Variants in FRS2 observed in about 807,000 individuals in gnomAD.
FRS2 encodes the protein fibroblast growth factor receptor substrate 2.
FRS2 carries 8 observed loss-of-function variants against 43.9 expected under a neutral mutation model. The observed-to-expected ratio is 0.18, with a 90% CI of 0.11 to 0.33. The LOEUF (loss-of-function observed/expected upper bound fraction) is 0.33, where lower values mean the gene tolerates loss of function less well. FRS2 is among the 10% of genes least tolerant of loss of function. The pLI is 1.00. For synonymous variants in FRS2, 219 were observed against 220.3 expected (o/e 0.99, Z 0.05); for missense variants, 534 against 627.6 (o/e 0.85, Z 1.59).
chr12:69,552,484 A>C (rs1188989873), intron 3 of FRS2, among the ~76,000 whole-genome samples: 1 of 152,136 alleles, frequency 6.6e-6, no homozygotes, highest in East Asian at 1.9e-4. Flanking sequence ...TAAGAAACAA[A>C]GGCTTCTGAT....
At chr12:69,562,809 C>T (rs1378968273) in intron 4 of FRS2, among the ~76,000 whole-genome samples, 1 of 152,094 alleles carries the variant, frequency 6.6e-6, no homozygotes, top group Non-Finnish European at 1.5e-5. Context: ...CCCACCTCAA[C>T]CTCCCAAGTA....
intron 1 of FRS2, among the ~76,000 whole-genome samples, chr12:69,474,707 A>G (rs567590553): frequency 6.6e-6 from 1 of 152,218 alleles, no homozygotes; most frequent in Non-Finnish European, 1.5e-5. Flanking sequence ...TTGGTTACTT[A>G]AAAGCTATGT....
chr12:69,485,340 G>A (rs1375883238), intron 1 of FRS2, among the ~76,000 whole-genome samples: 2 of 151,814 alleles, frequency 1.3e-5, no homozygotes, highest in South Asian at 2.1e-4. Context: ...CCGACACCAC[G>A]CCTGGCTAAT....
At chr12:69,492,397 T>G (rs1872560634) in intron 1 of FRS2, among the ~76,000 whole-genome samples, 1 of 152,126 alleles carries the variant, frequency 6.6e-6, no homozygotes, top group Non-Finnish European at 1.5e-5. Context: ...TTCAGGTAAG[T>G]TGAGATGAAC....
intron 3 of FRS2, among the ~76,000 whole-genome samples, chr12:69,542,663 C>T (rs1370507740): frequency 4.6e-5 from 7 of 152,118 alleles, no homozygotes; most frequent in East Asian, 1.9e-4. Context: ...TTTCTATTTT[C>T]GCTGAAATAA....
In FRS2 at chr12:69,473,280, A is replaced by G. The variant is rs185355259; in HGVS notation, c.-261+2750A>G. ...ATGTAACAGCCCCAATTTGAATCCA[A>G]ATCTGTCTGGTGCCAAAGCCTGTGT... On this transcript the variant is annotated intron_variant, in intron 1 of 8. Transcript: ENST00000549921. Among the ~76,000 whole-genome samples the G allele has an allele frequency of 7.2e-5, 11 of 152,336 alleles. No individual in the cohort carries two copies. In the South Asian group the frequency reaches 1.0e-3, roughly 14 times the overall value.
At chr12:69,475,471 A>G (rs1233741170) in intron 1 of FRS2, among the ~76,000 whole-genome samples, 1 of 152,162 alleles carries the variant, frequency 6.6e-6, no homozygotes, top group Non-Finnish European at 1.5e-5. Flanking sequence ...AATGATGGCC[A>G]GGGAGTACAC....
chr12:69,474,323 C>G (rs935664576), intron 1 of FRS2, among the ~76,000 whole-genome samples: 2 of 151,828 alleles, frequency 1.3e-5, no homozygotes, highest in Non-Finnish European at 2.9e-5. Flanking sequence ...GAGGTCAGGA[C>G]TAGGCATATA....
chr12:69,491,621 C>T (rs531190484), intron 1 of FRS2: 1 of 150,846 alleles, frequency 6.6e-6, no homozygotes, highest in Non-Finnish European at 1.5e-5. Context: ...CTGACTCAGC[C>T]TCCCAAGTAG....
At chr12:69,531,550 T>G (rs186230047) in intron 2 of FRS2, among the ~76,000 whole-genome samples, 1 of 152,122 alleles carries the variant, frequency 6.6e-6, no homozygotes, top group Non-Finnish European at 1.5e-5. Flanking sequence ...GGGTGTCTTA[T>G]TGGAGTGGTG....
At chr12:69,571,557 G>A in intron 7 of FRS2, 123 bp downstream of exon 7, 1 of 841,044 alleles carries the variant, frequency 1.2e-6, no homozygotes, top group Non-Finnish European at 1.9e-6. Flanking sequence ...TATAATGGTT[G>A]TCAGTTTTTA....
intron 8 of FRS2, among the ~76,000 whole-genome samples, chr12:69,573,556 G>A (rs1261155710): frequency 6.6e-6 from 1 of 151,904 alleles, no homozygotes; most frequent in African/African-American, 2.4e-5. Context: ...TCTGCCTCCC[G>A]GGTTCAAATG....
rs1229763385 is a variant in FRS2, at chr12:69,570,981, G to A, written c.254-295G>A. Among the ~76,000 whole-genome samples the A allele has an allele frequency of 2.6e-5, 4 of 152,198 alleles. No individual in the cohort carries two copies. In the East Asian group the frequency reaches 7.7e-4, roughly 29 times the overall value. On this transcript the variant is annotated intron_variant, in intron 6 of 8. Transcript: ENST00000549921. ...TGGCAAATGATCACCTTGGAATAGTGAGTTGGGCTCCCCCTGCTGTTAAGA... is the reference window on the plus strand; with the variant it reads ...TGGCAAATGATCACCTTGGAATAGTAAGTTGGGCTCCCCCTGCTGTTAAGA...
At chr12:69,545,755 C>CAAAAAAAAAAAAAA (rs60460901) in intron 3 of FRS2, among the ~76,000 whole-genome samples, 90 of 80,332 alleles carry the variant, frequency 1.1e-3, no homozygotes, top group African/African-American at 1.3e-3. Flanking sequence ...GACCCTGTCT[C>CAAAAAAAAAAAAAA]AAAAAAAAAA....
chr12:69,544,293 A>G (rs1878172750), intron 3 of FRS2, among the ~76,000 whole-genome samples: 2 of 152,210 alleles, frequency 1.3e-5, no homozygotes, highest in South Asian at 2.1e-4. Context: ...AAATTGTTCA[A>G]TGTAATATAC....
chr12:69,572,118 C>T lies in FRS2; in HGVS notation c.413C>T (p.Thr138Ile). Reference protein sequence around the residue: ...EVPRTPRTPTTPGFAAQNLPN... With the variant: ...EVPRTPRTPTIPGFAAQNLPN... ...CTTAAACCAATAAACAAAAACTCAG[C>T]TCCAGGATTTGCTGCTCAGAACTTA... The change falls in exon 8 of 9, where the codon ACT becomes ATT. Residue 138 changes from threonine to isoleucine, a missense_variant and splice_region_variant. Thr to Ile is a moderately conservative substitution (Grantham distance 89). Transcript: ENST00000549921. 5.6e-6 allele frequency: 9 copies of T among 1,612,544 alleles called. No homozygotes were observed. The highest frequency in any genetic ancestry group is 7.6e-6 in the Non-Finnish European group (9 of 1,179,054).
chr12:69,556,765 C>A (rs513177), intron 3 of FRS2, among the ~76,000 whole-genome samples: 6 of 151,954 alleles, frequency 3.9e-5, no homozygotes, highest in Non-Finnish European at 8.8e-5. Context: ...AATATTAGTT[C>A]GTGTATTTAA....
rs943322110 is a variant in FRS2, at chr12:69,470,433, C to G, written c.-358C>G. On this transcript the variant is annotated 5_prime_UTR_variant, in exon 1 of 9. Coordinates refer to ENST00000549921, the MANE Select transcript of FRS2 (RefSeq NM_001278356.2). ...GGCCTTGTAGGCACAGCGGCTGAGA[C>G]TCGATCTGCTCCAAGTAGGGGCTCC... The G allele has an allele frequency of 1.0e-5, 4 of 398,454 alleles. No individual in the cohort carries two copies. The South Asian group carries it at 5.1e-4, about 51-fold the overall frequency. The allele number at this position is 398,454 out of a possible 1,614,324, so 24.7% of individuals were successfully genotyped here.
chr12:69,488,457 G>A (rs221090), intron 1 of FRS2, among the ~76,000 whole-genome samples: 119,338 of 152,102 alleles, frequency 0.78, 47,484 homozygotes, highest in East Asian at 0.92. Flanking sequence ...TTTTTTAAAC[G>A]TAATGCTGTT....
Sources: allele counts gnomAD v4.1 joint callset (sites outside exome capture counted in the v4.1 genomes callset), GRCh38; gene constraint gnomAD v4.1.1; transcripts MANE v1.5; gene names NCBI Gene and HGNC (gene_info 2026-07-23, HGNC 2026-07-21).